Variants in KPNA7 observed in about 807,000 individuals in gnomAD.
KPNA7 encodes the protein importin subunit alpha-8.
In KPNA7, 54 loss-of-function variants were observed where a neutral mutation model predicts 53.7. That is an observed-to-expected ratio of 1.01 (90% CI 0.81 to 1.26). The LOEUF is 1.26. Among genes scored for constraint, KPNA7 ranks in the 50% most tolerant of loss-of-function variants. The pLI is 0.00. For synonymous variants in KPNA7, 276 were observed against 259.3 expected (o/e 1.06, Z -0.62); for missense variants, 640 against 644.5 (o/e 0.99, Z 0.07).
chr7:99,211,891 G>A (rs933132998), upstream of KPNA7, among the ~76,000 whole-genome samples: 13 of 152,108 alleles, frequency 8.5e-5, no homozygotes, highest in Admixed American at 4.6e-4. Flanking sequence ...CCCACTCTCC[G>A]ATCTCAAAGC....
At chr7:99,179,876 A>T (rs1475866135) in intron 9 of KPNA7, among the ~76,000 whole-genome samples, 1 of 151,978 alleles carries the variant, frequency 6.6e-6, no homozygotes. Context: ...GCCCAGCCAA[A>T]AAACAGTAAT....
At chr7:99,166,936 C>T in the KPNA7 span, among the ~76,000 whole-genome samples, 1 of 152,182 alleles carries the variant, frequency 6.6e-6, no homozygotes, top group Non-Finnish European at 1.5e-5. Context: ...CCCCTTTTGA[C>T]CACTGCCCAC....
intron 1 of KPNA7, among the ~76,000 whole-genome samples, chr7:99,217,444 C>T (rs1319265138): frequency 6.6e-6 from 1 of 152,018 alleles, no homozygotes; most frequent in Non-Finnish European, 1.5e-5. Flanking sequence ...GACTTATCTG[C>T]CAGGAAGGAG....
At chr7:99,170,133 C>T (rs893324034), downstream of KPNA7, among the ~76,000 whole-genome samples, 1 of 152,098 alleles carries the variant, frequency 6.6e-6, no homozygotes. Flanking sequence ...AATGACAGGC[C>T]CCGCTCACAG....
At chr7:99,214,542 C>T (rs1252251576) in intron 1 of KPNA7, among the ~76,000 whole-genome samples, 1 of 139,702 alleles carries the variant, frequency 7.2e-6, no homozygotes, top group African/African-American at 2.7e-5. Context: ...GAGGGAGAAT[C>T]GCTTGAGCCC....
At chr7:99,159,440 G>T in the KPNA7 span, among the ~76,000 whole-genome samples, 1 of 151,474 alleles carries the variant, frequency 6.6e-6, no homozygotes, top group Non-Finnish European at 1.5e-5. Flanking sequence ...GGAATAGGGG[G>T]ATGTAACAGC....
At chr7:99,214,036 C>T (rs1270537242) in intron 1 of KPNA7, among the ~76,000 whole-genome samples, 2 of 152,148 alleles carry the variant, frequency 1.3e-5, no homozygotes, top group Non-Finnish European at 2.9e-5. Flanking sequence ...TCCCAAAGTT[C>T]CCATAACTGT....
At chr7:99,169,669 A>T (rs1460008970), downstream of KPNA7, among the ~76,000 whole-genome samples, 1 of 152,018 alleles carries the variant, frequency 6.6e-6, no homozygotes, top group Non-Finnish European at 1.5e-5. Flanking sequence ...AGAGAATGGA[A>T]GGAGGGAAGC....
At chr7:99,173,341 G>A (rs932125402), downstream of KPNA7, among the ~76,000 whole-genome samples, 6 of 151,956 alleles carry the variant, frequency 3.9e-5, no homozygotes, top group African/African-American at 7.2e-5. Context: ...ACAGGCATGC[G>A]TCACCATGCC....
chr7:99,162,578 T>C, the KPNA7 span, among the ~76,000 whole-genome samples: 1 of 152,136 alleles, frequency 6.6e-6, no homozygotes, highest in Non-Finnish European at 1.5e-5. Context: ...AAATTGCTCC[T>C]TTTTTTAAAC....
At chr7:99,190,343 AAAAAAAGCAG>A (rs998733033) in intron 6 of KPNA7, among the ~76,000 whole-genome samples, 1 of 151,518 alleles carries the variant, frequency 6.6e-6, no homozygotes, top group African/African-American at 2.4e-5. Flanking sequence ...CTCAAAAAAA[AAAAAAAGCAG>A]AAAAAAAAGC....
the KPNA7 span, among the ~76,000 whole-genome samples, chr7:99,154,568 C>T: frequency 1.1e-4 from 17 of 149,790 alleles, no homozygotes; most frequent in South Asian, 2.9e-3. Flanking sequence ...CTCGCTCTGT[C>T]GCCCAGGCTG....
intron 3 of KPNA7, 142 bp downstream of exon 3, chr7:99,202,964 T>C: frequency 9.9e-7 from 1 of 1,006,010 alleles, no homozygotes; most frequent in Non-Finnish European, 1.4e-6. Flanking sequence ...GCAGTTTAGC[T>C]CAAACCATAA....
intron 6 of KPNA7, among the ~76,000 whole-genome samples, chr7:99,191,453 C>T (rs1174169210): frequency 6.6e-6 from 1 of 152,148 alleles, no homozygotes; most frequent in African/African-American, 2.4e-5. Flanking sequence ...CTATATAATT[C>T]TACGGCAGGC....
chr7:99,198,602 A>C (rs2150757558), intron 3 of KPNA7, among the ~76,000 whole-genome samples: 1 of 152,290 alleles, frequency 6.6e-6, no homozygotes, highest in East Asian at 1.9e-4. Context: ...AAAAACACTC[A>C]ACAAACTGGA....
chr7:99,156,238 G>A, the KPNA7 span, among the ~76,000 whole-genome samples: 1 of 152,006 alleles, frequency 6.6e-6, no homozygotes, highest in African/African-American at 2.4e-5. Flanking sequence ...TGTCTTATAT[G>A]GCTATGTGGT....
At chr7:99,205,569 G>A (rs545550420) in intron 2 of KPNA7, among the ~76,000 whole-genome samples, 1 of 152,196 alleles carries the variant, frequency 6.6e-6, no homozygotes, top group South Asian at 2.1e-4. Flanking sequence ...GAGATGGGGG[G>A]CTGGGAGCAG....
At chr7:99,159,348 CAAAAAAAAAAAAA>C in the KPNA7 span, among the ~76,000 whole-genome samples, 5 of 58,166 alleles carry the variant, frequency 8.6e-5, no homozygotes, top group South Asian at 8.5e-4. Context: ...GACACTGTCT[CAAAAAAAAAAAAA>C]AAAAAAAAAA....
At chr7:99,164,610 G>T in the KPNA7 span, among the ~76,000 whole-genome samples, 2 of 144,744 alleles carry the variant, frequency 1.4e-5, no homozygotes, top group Non-Finnish European at 3.0e-5. Flanking sequence ...TTGTGCACAT[G>T]TACCCTAAAA....
Sources: allele counts gnomAD v4.1 joint callset (sites outside exome capture counted in the v4.1 genomes callset), GRCh38; gene constraint gnomAD v4.1.1; transcripts MANE v1.5; gene names NCBI Gene and HGNC (gene_info 2026-07-23, HGNC 2026-07-21).